The following KAZN variants were observed in gnomAD, a reference collection of about 807,000 sequenced individuals.
KAZN encodes the protein kazrin, periplakin interacting protein.
A neutral mutation model predicts 87.4 loss-of-function variants in KAZN; 40 were observed. That is an observed-to-expected ratio of 0.46 (90% CI 0.36 to 0.60). KAZN has a LOEUF of 0.60. Among genes scored for constraint, KAZN ranks in the 20% least tolerant of loss-of-function variants. The pLI, the probability that KAZN is intolerant of heterozygous loss-of-function variation, is 0.00. For synonymous variants in KAZN, 466 were observed against 458.3 expected (o/e 1.02, Z -0.22); for missense variants, 898 against 1,073.9 (o/e 0.84, Z 2.29).
chr1:14,378,688 T>C (rs546300401), intron 2 of KAZN, among the ~76,000 whole-genome samples: 1 of 152,276 alleles, frequency 6.6e-6, no homozygotes, highest in African/African-American at 2.4e-5. Flanking sequence ...GCAGAGGGAA[T>C]ATTTAAACCA....
intron 2 of KAZN, among the ~76,000 whole-genome samples, chr1:14,489,266 AT>A (rs1669517347): frequency 4.5e-5 from 5 of 110,922 alleles, no homozygotes; most frequent in Non-Finnish European, 9.3e-5. Flanking sequence ...TTGGGACTCT[AT>A]ATATCTATTA....
intron 8 of KAZN, among the ~76,000 whole-genome samples, chr1:15,085,452 T>G (rs997683635): frequency 6.6e-6 from 1 of 152,032 alleles, no homozygotes; most frequent in South Asian, 2.1e-4. Flanking sequence ...CTCAGCCTCC[T>G]GAGTAGCTGG....
chr1:14,088,388 C>T (rs973097176), intron 1 of KAZN, among the ~76,000 whole-genome samples: 2 of 151,778 alleles, frequency 1.3e-5, no homozygotes, highest in African/African-American at 2.4e-5. Flanking sequence ...TCTTCTTTGA[C>T]CCATGGGTTA....
chr1:15,065,577 C>A, intron 7 of KAZN, 53 bp from the exon 8 acceptor site: 3 of 1,498,628 alleles, frequency 2.0e-6, no homozygotes, highest in Non-Finnish European at 2.7e-6. Context: ...CCCAGCTAAG[C>A]TTGGCTTTCT....
In KAZN at chr1:15,066,506, GCT is replaced by G. The variant is rs1251875042; in HGVS notation, c.1222+756_1222+757del. ...GCTGGGTTTGTCAGAGGTCAAACCG[GCT>G]CTTTTAAACGGCCTACCAGTTTTTA... On this transcript the variant is annotated intron_variant, in intron 8 of 14. Transcript: ENST00000376030. This position sits in a 1 kb window ranked among gnomAD's most constrained non-coding sequence, Gnocchi z 4.3. 1 of 985,210 alleles carries G rather than the reference GCT, an allele frequency of 1.0e-6. No individual in the cohort carries two copies. Among genetic ancestry groups the G allele is most frequent in the Non-Finnish European group, 1.2e-6 (1 of 829,938 alleles). 61.0% of individuals were successfully genotyped at this position (985,210 alleles called of 1,614,324 possible). A position where few individuals can be genotyped will look rare whatever the true frequency, so the allele number is the denominator to read the frequency against.
chr1:14,385,135 TTG>T lies in KAZN; in HGVS notation c.249+204545_249+204546del, dbSNP rs1357812001. 2.9e-3 allele frequency among the ~76,000 whole-genome samples: 440 copies of T among 152,232 alleles called. 1 individual carries two copies. Among genetic ancestry groups the T allele is most frequent in the African/African-American group, 9.6e-3 (399 of 41,532 alleles). ...GTTTGTAGTATTCTCTGATGGTAGTTTGTATTTCTGTGGGATCAGTGGTGATA... is the reference window on the plus strand; with the variant it reads ...GTTTGTAGTATTCTCTGATGGTAGTTTATTTCTGTGGGATCAGTGGTGATA... On this transcript the variant is annotated intron_variant, in intron 2 of 16. Transcript: ENST00000636203.
chr1:14,470,060 C>T (rs1204571896), intron 2 of KAZN, among the ~76,000 whole-genome samples: 1 of 152,054 alleles, frequency 6.6e-6, no homozygotes, highest in African/African-American at 2.4e-5. Flanking sequence ...TTGTTATTGA[C>T]CATTTTATAG....
chr1:14,042,187 T>C (rs1014072312), intron 1 of KAZN, among the ~76,000 whole-genome samples: 7 of 152,196 alleles, frequency 4.6e-5, no homozygotes, highest in Non-Finnish European at 1.0e-4. Context: ...TCTTCAGTTT[T>C]TTTTCCCTTT....
intron 2 of KAZN, among the ~76,000 whole-genome samples, chr1:15,000,345 A>T (rs1668343118): frequency 6.6e-6 from 1 of 151,848 alleles, no homozygotes; most frequent in Non-Finnish European, 1.5e-5. Flanking sequence ...GTGAAACCTA[A>T]TTTGGACTTC....
At chr1:13,959,955 T>A (rs1641689835) in intron 1 of KAZN, among the ~76,000 whole-genome samples, 1 of 152,096 alleles carries the variant, frequency 6.6e-6, no homozygotes, top group African/African-American at 2.4e-5. Flanking sequence ...AAGGAGGCAA[T>A]GATGAATAGA....
chr1:14,463,783 A>G (rs1035820404), intron 2 of KAZN, among the ~76,000 whole-genome samples: 1 of 152,160 alleles, frequency 6.6e-6, no homozygotes, highest in Non-Finnish European at 1.5e-5. Flanking sequence ...TGTGGGGTAC[A>G]TATCAGTGTT....
At chr1:15,091,007 C>T (rs1336464579) in intron 8 of KAZN, among the ~76,000 whole-genome samples, 1 of 152,072 alleles carries the variant, frequency 6.6e-6, no homozygotes, top group East Asian at 1.9e-4. Flanking sequence ...GGGTTTGTAA[C>T]TTGAAAAAGT....
chr1:14,928,139 G>A (rs987973360), intron 1 of KAZN, among the ~76,000 whole-genome samples: 3 of 152,204 alleles, frequency 2.0e-5, no homozygotes, highest in African/African-American at 2.4e-5. Context: ...AAGACTTCAC[G>A]TTGCTCTTAA....
chr1:14,224,371 C>A (rs1173345389), intron 2 of KAZN, among the ~76,000 whole-genome samples: 1 of 152,028 alleles, frequency 6.6e-6, no homozygotes, highest in Non-Finnish European at 1.5e-5. Context: ...TGTACCGAAG[C>A]TGACAATGAA....
intron 1 of KAZN, among the ~76,000 whole-genome samples, chr1:14,915,237 C>T (rs1279496380): frequency 6.6e-6 from 1 of 152,170 alleles, no homozygotes; most frequent in East Asian, 1.9e-4. Flanking sequence ...GTAAACTGCT[C>T]TGTCTACTAT....
chr1:14,673,804 C>T (rs1640060707), intron 1 of KAZN, among the ~76,000 whole-genome samples: 1 of 152,120 alleles, frequency 6.6e-6, no homozygotes, highest in South Asian at 2.1e-4. Context: ...CTTTCTCTTC[C>T]CAGGCTAAGG....
chr1:14,141,233 A>AT (rs35422014), intron 1 of KAZN, among the ~76,000 whole-genome samples: 2 of 143,398 alleles, frequency 1.4e-5, no homozygotes, highest in Non-Finnish European at 3.0e-5. Context: ...AGTGATTACC[A>AT]TTTAAAAAAA....
At chr1:14,452,818 C>A (rs1571685562) in intron 2 of KAZN, among the ~76,000 whole-genome samples, 1 of 152,162 alleles carries the variant, frequency 6.6e-6, no homozygotes, top group African/African-American at 2.4e-5. Context: ...GGGAAATAGC[C>A]GCCTTTCTTG....
intron 1 of KAZN, among the ~76,000 whole-genome samples, chr1:14,164,521 ATG>A (rs1231089229): frequency 6.8e-6 from 1 of 146,258 alleles, no homozygotes; most frequent in Non-Finnish European, 1.5e-5. Flanking sequence ...CATTTCTGCA[ATG>A]TGAGTTTCCT....
Sources: allele counts gnomAD v4.1 joint callset (sites outside exome capture counted in the v4.1 genomes callset), GRCh38; gene constraint gnomAD v4.1.1; non-coding constraint Gnocchi (gnomAD v3.1); transcripts MANE v1.5; gene names NCBI Gene and HGNC (gene_info 2026-07-23, HGNC 2026-07-21).